Variants in COL11A1 observed in about 807,000 individuals in gnomAD.
COL11A1 encodes the protein collagen type XI alpha 1 chain, also known as collagen alpha-1(XI) chain.
Under a neutral mutation model 265.2 loss-of-function variants are expected in COL11A1, and 74 were observed. That is an observed-to-expected ratio of 0.28 (90% CI 0.23 to 0.34). The LOEUF (loss-of-function observed/expected upper bound fraction) is 0.34, where lower values mean the gene tolerates loss of function less well. Ranked by LOEUF, COL11A1 falls within the 10% of genes least tolerant of loss-of-function variation. The pLI is 1.00. For synonymous variants in COL11A1, 816 were observed against 727.6 expected, an observed-to-expected ratio of 1.12 and a Z score of -1.96; for missense variants, 2,165 against 2,263.6, an observed-to-expected ratio of 0.96 and a Z score of 0.88.
chr1:102,939,684 C>CA (rs1374760977), intron 43 of COL11A1, among the ~76,000 whole-genome samples: 1 of 119,524 alleles, frequency 8.4e-6, no homozygotes, highest in Non-Finnish European at 1.9e-5. Flanking sequence ...GCCTGGGCGA[C>CA]AAAAAAAGAC....
Position 103,012,487 on chromosome 1 carries a change from T to C in COL11A1, c.1573-18A>G. 1.3e-6 allele frequency: 2 copies of C among 1,595,752 alleles called. No homozygotes were observed. Among genetic ancestry groups the C allele is most frequent in the Non-Finnish European group, 1.7e-6 (2 of 1,164,012 alleles). On this transcript the variant is annotated intron_variant, in intron 13 of 66. Coordinates refer to ENST00000370096, the MANE Select transcript of COL11A1 (RefSeq NM_001854.4). The stretch of plus-strand genomic sequence containing the variant: ...AGAGCAATCTAGAAAACAAAATATA[T>C]CAAATTCAGTAATATTCTCCTGGAA...
chr1:102,998,021 T>A (rs954162823), intron 25 of COL11A1, among the ~76,000 whole-genome samples: 4 of 151,876 alleles, frequency 2.6e-5, no homozygotes. Flanking sequence ...TGAGTGGACC[T>A]GCTTACCTGG....
chr1:102,887,124 C>G, intron 62 of COL11A1, 68 bp from the exon 63 acceptor site: 2 of 1,594,106 alleles, frequency 1.3e-6, no homozygotes, highest in Non-Finnish European at 8.6e-7. Context: ...TTAATTATTA[C>G]TGGTTATGTT....
intron 66 of COL11A1, among the ~76,000 whole-genome samples, chr1:102,878,472 C>A (rs1463706913): frequency 1.3e-4 from 2 of 15,784 alleles, no homozygotes; most frequent in East Asian, 2.9e-3. Context: ...GGTATTGAAT[C>A]CTCATATATA....
At chr1:103,032,632 AAGAT>A (rs1162638756) in intron 4 of COL11A1, among the ~76,000 whole-genome samples, 2 of 152,066 alleles carry the variant, frequency 1.3e-5, no homozygotes, top group Non-Finnish European at 2.9e-5. Flanking sequence ...AATAAGAATT[AAGAT>A]ATTTAATCCT....
chr1:103,019,636 G>C (rs1034129421), intron 9 of COL11A1, among the ~76,000 whole-genome samples: 6 of 151,626 alleles, frequency 4.0e-5, no homozygotes, highest in Admixed American at 2.0e-4. Context: ...TGTGCACAAT[G>C]TGCAGGTTAG....
At chr1:102,928,524 A>C (rs531982244) in intron 46 of COL11A1, among the ~76,000 whole-genome samples, 5 of 152,226 alleles carry the variant, frequency 3.3e-5, no homozygotes, top group African/African-American at 1.2e-4. Context: ...GGTTGGTTCC[A>C]AGTCTTTGCT....
intron 41 of COL11A1, among the ~76,000 whole-genome samples, chr1:102,947,493 C>T (rs765086362): frequency 2.8e-4 from 43 of 152,132 alleles, no homozygotes; most frequent in Admixed American, 7.2e-4. Flanking sequence ...AATCACTATC[C>T]TAAAGTCTGG....
At chr1:103,104,440 C>T (rs951580371) in intron 1 of COL11A1, among the ~76,000 whole-genome samples, 4 of 151,612 alleles carry the variant, frequency 2.6e-5, no homozygotes, top group Admixed American at 6.6e-5. Context: ...AATAAAAAAC[C>T]GAAAAAATAT....
chr1:103,065,538 AAAAAAAAAAG>A (rs1671053035), intron 4 of COL11A1, among the ~76,000 whole-genome samples: 1 of 125,226 alleles, frequency 8.0e-6, no homozygotes, highest in African/African-American at 3.3e-5. Context: ...AAAAAAAAAA[AAAAAAAAAAG>A]AAAGCAAACA....
intron 38 of COL11A1, 49 bp downstream of exon 38, chr1:102,965,437 AT>A: frequency 6.6e-7 from 1 of 1,520,144 alleles, no homozygotes. Flanking sequence ...GAAGGTTAAA[AT>A]GTAAACAAAA....
chr1:102,928,581 A>G (rs1351761617), intron 46 of COL11A1, among the ~76,000 whole-genome samples: 2 of 152,158 alleles, frequency 1.3e-5, no homozygotes, highest in African/African-American at 2.4e-5. Flanking sequence ...GTACAGCAGC[A>G]TGATTTCTAA....
At chr1:102,967,611 C>T (rs1448724933) in intron 37 of COL11A1, among the ~76,000 whole-genome samples, 2 of 152,076 alleles carry the variant, frequency 1.3e-5, no homozygotes, top group African/African-American at 2.4e-5. Flanking sequence ...AATTCAGTTA[C>T]TTCCTTTGCT....
At chr1:103,046,851 A>G (rs1231888003) in intron 4 of COL11A1, among the ~76,000 whole-genome samples, 1 of 151,816 alleles carries the variant, frequency 6.6e-6, no homozygotes, top group Non-Finnish European at 1.5e-5. Context: ...AGCACCATTT[A>G]TTAAATAGGG....
At chr1:103,043,024 T>A (rs1401812728) in intron 4 of COL11A1, among the ~76,000 whole-genome samples, 1 of 144,100 alleles carries the variant, frequency 6.9e-6, no homozygotes, top group Non-Finnish European at 1.5e-5. Flanking sequence ...GAAATATATA[T>A]GATATATATT....
intron 1 of COL11A1, among the ~76,000 whole-genome samples, chr1:103,096,450 C>T (rs985635793): frequency 6.6e-6 from 1 of 151,854 alleles, no homozygotes; most frequent in Non-Finnish European, 1.5e-5. Flanking sequence ...ATGGAGAAGG[C>T]TGTGAGAAGA....
At chr1:102,922,851 G>A (rs572220523) in intron 47 of COL11A1, among the ~76,000 whole-genome samples, 13 of 152,280 alleles carry the variant, frequency 8.5e-5, no homozygotes, top group African/African-American at 3.1e-4. Context: ...TGAAGGAAGT[G>A]AAAATTGGGG....
rs775587076 is a variant in COL11A1, at chr1:102,898,721, T to G, written c.4193A>C (p.Gln1398Pro). ...PPGKTGPVGPQGPAGKPGPEG... is the reference protein window; with the variant it reads ...PPGKTGPVGPPGPAGKPGPEG... ...TGGACCAGGCTTTCCTGCAGGTCCCTGAGGACCGACTGGGCCGGTTTTTCC... is the reference window on the plus strand; with the variant it reads ...TGGACCAGGCTTTCCTGCAGGTCCCGGAGGACCGACTGGGCCGGTTTTTCC... Residue 1398 changes from glutamine (Q) to proline (P), a missense_variant, in exon 56 of 67, where the codon CAG becomes CCG. Transcript: ENST00000370096. The G allele has an allele frequency of 4.4e-5, 71 of 1,612,824 alleles. No homozygotes were observed. The highest frequency in any genetic ancestry group is 5.7e-5 in the Non-Finnish European group (67 of 1,179,328).
intron 13 of COL11A1, among the ~76,000 whole-genome samples, chr1:103,013,355 A>T (rs1666286436): frequency 6.6e-6 from 1 of 151,932 alleles, no homozygotes; most frequent in Non-Finnish European, 1.5e-5. Flanking sequence ...AATGCTTGCT[A>T]CCTATTTTTC....
Sources: allele counts gnomAD v4.1 joint callset (sites outside exome capture counted in the v4.1 genomes callset), GRCh38; gene constraint gnomAD v4.1.1; transcripts MANE v1.5; gene names NCBI Gene and HGNC (gene_info 2026-07-23, HGNC 2026-07-21).